The following NTM variants were observed in gnomAD, a reference collection of about 807,000 sequenced individuals.
NTM encodes the protein neurotrimin, also known as IgLON family member 2.
In NTM, 13 loss-of-function variants were observed where a neutral mutation model predicts 42.1. The ratio of observed to expected loss-of-function variants is 0.31; its 90% confidence interval spans 0.20 to 0.49. The LOEUF (loss-of-function observed/expected upper bound fraction) is 0.49. NTM is among the 20% of genes least tolerant of loss of function. The probability of loss-of-function intolerance (pLI) is 0.99; values close to 1 mark genes in which losing one functional copy is unlikely to be tolerated. For synonymous variants in NTM, 187 were observed against 179.2 expected (o/e 1.04, Z -0.35); for missense variants, 373 against 452.8 (o/e 0.82, Z 1.60).
intron 1 of NTM, among the ~76,000 whole-genome samples, chr11:131,775,035 G>A (rs538596404): frequency 5.9e-5 from 9 of 152,238 alleles, no homozygotes; most frequent in East Asian, 1.9e-4. Context: ...GTGAATGCTC[G>A]CCCAGTTTAC....
At chr11:132,052,091 T>A (rs1157575958) in intron 2 of NTM, among the ~76,000 whole-genome samples, 1 of 152,158 alleles carries the variant, frequency 6.6e-6, no homozygotes. Context: ...ATATAGAAGC[T>A]AATTATTAAA....
At chr11:131,933,057 C>A (rs532173167) in intron 2 of NTM, among the ~76,000 whole-genome samples, 2 of 152,322 alleles carry the variant, frequency 1.3e-5, no homozygotes, top group Middle Eastern at 3.4e-3. Flanking sequence ...TCCTCCACAG[C>A]GCCAACTGTC....
intron 1 of NTM, among the ~76,000 whole-genome samples, chr11:131,551,273 T>C (rs986308385): frequency 6.6e-6 from 1 of 152,148 alleles, no homozygotes; most frequent in African/African-American, 2.4e-5. Flanking sequence ...CAGCAATCAC[T>C]TTAGAAAGAA....
At chr11:131,871,300 A>G (rs2047754222) in intron 1 of NTM, among the ~76,000 whole-genome samples, 1 of 152,142 alleles carries the variant, frequency 6.6e-6, no homozygotes. Flanking sequence ...TGTTCATTTT[A>G]ACTTTGTGTT....
chr11:132,014,689 A>G (rs1040492480), intron 2 of NTM, among the ~76,000 whole-genome samples: 39 of 146,950 alleles, frequency 2.7e-4, no homozygotes, highest in African/African-American at 9.7e-4. Flanking sequence ...TGTTCTTTTG[A>G]GAAATGTCTA....
At chr11:131,412,117 A>G (rs183900082) in intron 1 of NTM, among the ~76,000 whole-genome samples, 32 of 152,266 alleles carry the variant, frequency 2.1e-4, no homozygotes, top group Non-Finnish European at 3.5e-4. Context: ...ATTGAACCCT[A>G]AGAGCTATAC....
rs372469789 is a variant in NTM, at chr11:131,858,755, C to T, written c.83-52809C>T. Reference sequence around the variant, plus strand: ...GAATCCTCCCTTCTGGAATAGGGAACGAGGGAGTGAAAGACTAGCACATAA... The same window carrying T: ...GAATCCTCCCTTCTGGAATAGGGAATGAGGGAGTGAAAGACTAGCACATAA... On this transcript the variant is annotated intron_variant, in intron 1 of 8. Coordinates refer to ENST00000683400, the MANE Select transcript of NTM (RefSeq NM_001352005.2). 1.4e-4 allele frequency among the ~76,000 whole-genome samples: 21 copies of T among 152,144 alleles called. 1 individual carries two copies. The highest frequency in any genetic ancestry group is 4.1e-4 in the African/African-American group (17 of 41,424).
At chr11:131,647,078 T>A (rs1303750284) in intron 1 of NTM, among the ~76,000 whole-genome samples, 1 of 152,232 alleles carries the variant, frequency 6.6e-6, no homozygotes, top group African/African-American at 2.4e-5. Flanking sequence ...CTGTGCCACC[T>A]GATAACTCGG....
intron 1 of NTM, among the ~76,000 whole-genome samples, chr11:131,568,359 A>G (rs1375379290): frequency 6.6e-6 from 1 of 152,184 alleles, no homozygotes; most frequent in East Asian, 1.9e-4. Flanking sequence ...GTTAACCTTC[A>G]CTTGATATGG....
At chr11:131,682,576 G>A (rs1054838542) in intron 1 of NTM, among the ~76,000 whole-genome samples, 2 of 152,202 alleles carry the variant, frequency 1.3e-5, no homozygotes, top group East Asian at 3.8e-4. Flanking sequence ...GGAGCCTGCC[G>A]GCCTTAAACC....
intron 2 of NTM, among the ~76,000 whole-genome samples, chr11:132,021,203 C>T (rs2074274929): frequency 1.3e-5 from 2 of 151,994 alleles, no homozygotes; most frequent in Admixed American, 1.3e-4. Flanking sequence ...CTTTTTGTTT[C>T]CATAATTTGC....
At chr11:132,030,918 T>A (rs2075831363) in intron 2 of NTM, among the ~76,000 whole-genome samples, 1 of 152,162 alleles carries the variant, frequency 6.6e-6, no homozygotes. Flanking sequence ...CTGGGAGGAC[T>A]ATAGACTGAA....
At chr11:132,077,662 A>G (rs1372337676) in intron 2 of NTM, among the ~76,000 whole-genome samples, 2 of 152,246 alleles carry the variant, frequency 1.3e-5, no homozygotes, top group Non-Finnish European at 2.9e-5. Flanking sequence ...TGCCTGATCC[A>G]TAGCCAATGG....
At chr11:131,980,656 C>A (rs1397906363) in intron 2 of NTM, among the ~76,000 whole-genome samples, 1 of 152,130 alleles carries the variant, frequency 6.6e-6, no homozygotes, top group Non-Finnish European at 1.5e-5. Flanking sequence ...CATTCATAAG[C>A]ATTTATTGAG....
chr11:131,865,180 G>A (rs1207909662), intron 1 of NTM, among the ~76,000 whole-genome samples: 1 of 152,212 alleles, frequency 6.6e-6, no homozygotes, highest in African/African-American at 2.4e-5. Context: ...GAATGCTGAG[G>A]CTTAGAAAGA....
At chr11:131,755,856 A>G (rs1328731067) in intron 1 of NTM, among the ~76,000 whole-genome samples, 5 of 152,250 alleles carry the variant, frequency 3.3e-5, no homozygotes, top group Admixed American at 3.3e-4. Context: ...ACATGTCTGC[A>G]AAGTAAGCAT....
chr11:132,191,587 G>A (rs1228164074), intron 3 of NTM, among the ~76,000 whole-genome samples: 2 of 152,158 alleles, frequency 1.3e-5, no homozygotes, highest in Non-Finnish European at 2.9e-5. Flanking sequence ...GAAAGAATAA[G>A]CACAAGAATT....
intron 1 of NTM, among the ~76,000 whole-genome samples, chr11:131,690,020 G>A (rs987418906): frequency 6.6e-6 from 1 of 152,166 alleles, no homozygotes; most frequent in African/African-American, 2.4e-5. Context: ...GGTCTCACAG[G>A]CAGAGACCCA....
intron 2 of NTM, among the ~76,000 whole-genome samples, chr11:131,935,592 G>A (rs892580340): frequency 6.6e-6 from 1 of 152,056 alleles, no homozygotes; most frequent in African/African-American, 2.4e-5. Flanking sequence ...AGGGTGTCAT[G>A]AGGATAGGTG....
Sources: gnomAD v4.1 joint callset for allele counts (sites outside exome capture counted in the v4.1 genomes callset) on GRCh38, gnomAD v4.1.1 for gene constraint, MANE v1.5 for transcripts, NCBI Gene and HGNC (gene_info 2026-07-23, HGNC 2026-07-21) for gene names.